The following FOCAD variants were observed in gnomAD, a reference collection of about 807,000 sequenced individuals.
FOCAD encodes focadhesin.
In FOCAD, 198 loss-of-function variants were observed where a neutral mutation model predicts 225.6. That is an observed-to-expected ratio of 0.88 (90% confidence interval 0.78 to 0.99). FOCAD has a LOEUF of 0.99. Ranked by LOEUF, FOCAD falls within the 50% of genes least tolerant of loss-of-function variation. FOCAD has a pLI of 0.00. For missense variants in FOCAD, 2,713 were observed against 2,123.6 expected (o/e 1.28, Z -5.46); for synonymous variants, 897 against 755.0 (o/e 1.19, Z -3.08).
At chr9:20,846,445 T>G (rs12554885) in intron 15 of FOCAD, among the ~76,000 whole-genome samples, 2 of 151,916 alleles carry the variant, frequency 1.3e-5, no homozygotes, top group Non-Finnish European at 2.9e-5. Flanking sequence ...CCAAACTGTT[T>G]TAGCAGCCAA....
At chr9:20,791,219 GCACACACACACACACACT>G (rs980902307) in intron 11 of FOCAD, among the ~76,000 whole-genome samples, 1 of 106,712 alleles carries the variant, frequency 9.4e-6, no homozygotes, top group Non-Finnish European at 2.0e-5. Flanking sequence ...ATATATGCAT[GCACACACACACACACACT>G]CACACACACA....
At chr9:20,845,604 G>A (rs1245789618) in intron 15 of FOCAD, among the ~76,000 whole-genome samples, 1 of 151,666 alleles carries the variant, frequency 6.6e-6, no homozygotes, top group Non-Finnish European at 1.5e-5. Context: ...CTAAACTGTA[G>A]CACATATCTC....
At chr9:20,661,804 A>T (rs1012671594) in intron 2 of FOCAD, among the ~76,000 whole-genome samples, 3 of 152,220 alleles carry the variant, frequency 2.0e-5, no homozygotes, top group Admixed American at 1.3e-4. Flanking sequence ...CTGTCACTTT[A>T]TCCTACAGAT....
chr9:20,703,915 T>A (rs1361247554), intron 1 of FOCAD, among the ~76,000 whole-genome samples: 1 of 152,202 alleles, frequency 6.6e-6, no homozygotes, highest in Non-Finnish European at 1.5e-5. Flanking sequence ...GAATCAGGAT[T>A]TGCATCCAGG....
intron 25 of FOCAD, among the ~76,000 whole-genome samples, chr9:20,925,445 C>G (rs1176948311): frequency 6.6e-6 from 1 of 152,182 alleles, no homozygotes. Flanking sequence ...ACCACACAGT[C>G]CAAAGATGAG....
chr9:20,707,484 G>T (rs1049186791), intron 1 of FOCAD, among the ~76,000 whole-genome samples: 3 of 152,082 alleles, frequency 2.0e-5, no homozygotes, highest in African/African-American at 7.2e-5. Flanking sequence ...TACTCCCCAA[G>T]AACTTAACTA....
chr9:20,753,024 T>A (rs1349544728), intron 5 of FOCAD, among the ~76,000 whole-genome samples: 3 of 151,968 alleles, frequency 2.0e-5, no homozygotes, highest in African/African-American at 7.3e-5. Flanking sequence ...CCTGAGACTT[T>A]GCTGAAGTTG....
At chr9:20,662,346 T>TA (rs1821753335) in intron 2 of FOCAD, among the ~76,000 whole-genome samples, 1 of 152,172 alleles carries the variant, frequency 6.6e-6, no homozygotes, top group African/African-American at 2.4e-5. Flanking sequence ...TCAGCTCCTT[T>TA]AGGGTCAGCC....
Position 20,862,701 on chromosome 9 carries a change from A to T in FOCAD, c.2044A>T (p.Thr682Ser). Residue 682 changes from threonine (T) to serine (S), a missense_variant, in exon 16 of 44, where the codon ACT (threonine) becomes TCT (serine). Thr to Ser is a moderately conservative substitution (Grantham distance 58). Transcript: ENST00000338382. ...AGTTCCTTCCTTAACGGTCAATACA[A>T]CTGAATATGAGGTATGCATTTGGAG... ...SLVPSLTVNT[T>S]EYENFKVQVL... 6.2e-7 allele frequency: 1 copy of T among 1,612,418 alleles called. No homozygotes were observed. The highest frequency in any genetic ancestry group is 8.5e-7 in the Non-Finnish European group (1 of 1,179,154).
chr9:20,828,370 A>G (rs1490920227), intron 15 of FOCAD, among the ~76,000 whole-genome samples: 1 of 152,026 alleles, frequency 6.6e-6, no homozygotes, highest in Non-Finnish European at 1.5e-5. Context: ...ATTTTTGGCT[A>G]TTTTGAATAA....
At chr9:20,669,808 C>T (rs553608287) in intron 2 of FOCAD, among the ~76,000 whole-genome samples, 3 of 152,008 alleles carry the variant, frequency 2.0e-5, no homozygotes, top group East Asian at 3.9e-4. Context: ...TAATACAGGG[C>T]GCCCATGTAA....
chr9:20,660,743 C>T (rs1452450026), intron 2 of FOCAD, among the ~76,000 whole-genome samples: 6 of 152,024 alleles, frequency 3.9e-5, no homozygotes, highest in Admixed American at 6.6e-5. Flanking sequence ...AAGCTGGTAG[C>T]CCCAGCAAGG....
chr9:20,745,538 AT>A (rs374327342), intron 5 of FOCAD, among the ~76,000 whole-genome samples: 2 of 152,074 alleles, frequency 1.3e-5, no homozygotes, highest in African/African-American at 4.8e-5. Context: ...GTAAGATGCC[AT>A]TTTTCCCCTA....
At chr9:20,697,070 A>G (rs1377757797) in intron 1 of FOCAD, among the ~76,000 whole-genome samples, 1 of 152,152 alleles carries the variant, frequency 6.6e-6, no homozygotes, top group Non-Finnish European at 1.5e-5. Context: ...TTTATAAAAT[A>G]TTCCCAATCT....
At chr9:20,690,031 A>G (rs963223008) in intron 1 of FOCAD, among the ~76,000 whole-genome samples, 1 of 152,126 alleles carries the variant, frequency 6.6e-6, no homozygotes, top group Non-Finnish European at 1.5e-5. Flanking sequence ...ATTCTTATCT[A>G]TTGGTAGGAT....
intron 21 of FOCAD, among the ~76,000 whole-genome samples, chr9:20,897,890 T>TA (rs1432579262): frequency 6.6e-6 from 1 of 151,844 alleles, no homozygotes; most frequent in Non-Finnish European, 1.5e-5. Flanking sequence ...GCTTACTCCC[T>TA]AAAAAAACTT....
intron 33 of FOCAD, 49 bp downstream of exon 33, chr9:20,949,724 G>A: frequency 2.1e-6 from 3 of 1,443,436 alleles, no homozygotes; most frequent in Non-Finnish European, 2.9e-6. Flanking sequence ...ATCCCCCTTT[G>A]TTGTCTTTTT....
At chr9:20,733,639 G>C (rs1306802702) in intron 4 of FOCAD, among the ~76,000 whole-genome samples, 1 of 152,080 alleles carries the variant, frequency 6.6e-6, no homozygotes, top group Admixed American at 6.6e-5. Context: ...AGTTTACTGA[G>C]AATGATGATT....
At chr9:20,957,478 C>CTTTTTTTTTTTTTGTTT (rs1838275698) in intron 35 of FOCAD, 2 of 81,480 alleles carry the variant, frequency 2.5e-5, no homozygotes, top group African/African-American at 4.9e-5. Flanking sequence ...CTTTTCTTTT[C>CTTTTTTTTTTTTTGTTT]TTTTTTTTTT....
Sources: allele counts gnomAD v4.1 joint callset (sites outside exome capture counted in the v4.1 genomes callset), GRCh38; gene constraint gnomAD v4.1.1; transcripts MANE v1.5; gene names NCBI Gene and HGNC (gene_info 2026-07-23, HGNC 2026-07-21).